Variants in GRB10 observed in about 807,000 individuals in gnomAD.
GRB10 encodes the protein growth factor receptor-bound protein 10.
In GRB10, 20 loss-of-function variants were observed where a neutral mutation model predicts 80.9. The observed-to-expected ratio is 0.25, with a 90% CI of 0.17 to 0.36. The LOEUF is 0.36. Ranked by LOEUF, GRB10 falls within the 10% of genes least tolerant of loss-of-function variation. GRB10 has a pLI of 1.00. For synonymous variants in GRB10, 291 were observed against 291.5 expected (o/e 1.00, Z 0.02); for missense variants, 548 against 747.7 (o/e 0.73, Z 3.12).
At chr7:50,670,203 G>A (rs2060216111) in intron 6 of GRB10, among the ~76,000 whole-genome samples, 1 of 152,160 alleles carries the variant, frequency 6.6e-6, no homozygotes. Flanking sequence ...GACACTGTGT[G>A]ATTTCACCCA....
At chr7:50,785,710 C>A (rs548591738), upstream of GRB10, among the ~76,000 whole-genome samples, 3 of 152,390 alleles carry the variant, frequency 2.0e-5, no homozygotes, top group African/African-American at 7.2e-5. Context: ...GGCTGGCACA[C>A]CCTCCTACAA....
intron 3 of GRB10, among the ~76,000 whole-genome samples, chr7:50,750,464 T>G (rs1191615638): frequency 6.6e-6 from 1 of 152,176 alleles, no homozygotes; most frequent in African/African-American, 2.4e-5. Context: ...ATCCAACGGT[T>G]GCCATTCACC....
intron 7 of GRB10, among the ~76,000 whole-genome samples, chr7:50,636,124 C>T (rs989631895): frequency 5.4e-4 from 82 of 151,970 alleles, no homozygotes; most frequent in Middle Eastern, 6.8e-3. Context: ...ACTACAGGCA[C>T]GTGCCACCAC....
chr7:50,774,264 T>C (rs771984064), intron 2 of GRB10, among the ~76,000 whole-genome samples: 3 of 152,248 alleles, frequency 2.0e-5, no homozygotes, highest in Non-Finnish European at 2.9e-5. Flanking sequence ...CTTTTTGTTC[T>C]AAAATTGACT....
At chr7:50,663,759 C>G (rs527776275) in intron 7 of GRB10, among the ~76,000 whole-genome samples, 9 of 152,352 alleles carry the variant, frequency 5.9e-5, no homozygotes, top group African/African-American at 1.9e-4. Flanking sequence ...TTCGGGCCAT[C>G]ATCCCAGCTT....
At chr7:50,701,390 G>T (rs372465164) in intron 5 of GRB10, among the ~76,000 whole-genome samples, 1 of 152,026 alleles carries the variant, frequency 6.6e-6, no homozygotes, top group Non-Finnish European at 1.5e-5. Context: ...TGGGGAGTTC[G>T]AGACAAGCCT....
At chr7:50,767,079 G>A (rs1486452550) in intron 2 of GRB10, among the ~76,000 whole-genome samples, 1 of 152,204 alleles carries the variant, frequency 6.6e-6, no homozygotes, top group African/African-American at 2.4e-5. Context: ...ATCTAGCAAT[G>A]TAATCGAACT....
At chr7:50,746,897 G>A (rs1188795095) in intron 3 of GRB10, among the ~76,000 whole-genome samples, 1 of 152,018 alleles carries the variant, frequency 6.6e-6, no homozygotes, top group Admixed American at 6.5e-5. Flanking sequence ...CCCTCCCTTG[G>A]GTCCATGAAC....
At chr7:50,714,690 A>T (rs1456097954) in intron 4 of GRB10, among the ~76,000 whole-genome samples, 2 of 151,784 alleles carry the variant, frequency 1.3e-5, no homozygotes, top group Non-Finnish European at 2.9e-5. Context: ...ACGGAGTGCA[A>T]TCCTGAGCCC....
At chr7:50,718,966 G>A (rs2108349) in intron 4 of GRB10, among the ~76,000 whole-genome samples, 84,494 of 151,874 alleles carry the variant, frequency 0.56, 26,154 homozygotes, top group Middle Eastern at 0.81. Flanking sequence ...GAAAAATATA[G>A]TCAATCTTCA....
rs1277221906 is a variant in GRB10, at chr7:50,674,547, T to C, written c.251A>G (p.Gln84Arg). The change falls in exon 6 of 19, where the codon CAG becomes CGG. Residue 84 changes from glutamine (Q) to arginine (R), a missense_variant. By Grantham distance (43) the Gln-to-Arg change is conservative (BLOSUM62 1). Coordinates refer to ENST00000401949, the MANE Select transcript of GRB10 (RefSeq NM_001350814.2). ...SDTVPLLQNG[Q>R]HARSQPRASG... ...AGCCCGAGGCTGGCTGCGGGCATGCTGGCCATTCTGCAGGAGGGGCACCGT... is the reference window on the plus strand; with the variant it reads ...AGCCCGAGGCTGGCTGCGGGCATGCCGGCCATTCTGCAGGAGGGGCACCGT... 5 of 1,611,964 alleles carry C rather than the reference T, an allele frequency of 3.1e-6. No homozygotes were observed. In the African/African-American group the frequency reaches 5.3e-5, roughly 17 times the overall value.
At chr7:50,752,673 G>C (rs532677148) in intron 3 of GRB10, among the ~76,000 whole-genome samples, 1 of 152,124 alleles carries the variant, frequency 6.6e-6, no homozygotes, top group Admixed American at 6.5e-5. Flanking sequence ...GTGAGTAAGA[G>C]CCCAGCAAGA....
chr7:50,712,191 C>T (rs1349377466), intron 4 of GRB10, among the ~76,000 whole-genome samples: 1 of 152,184 alleles, frequency 6.6e-6, no homozygotes, highest in African/African-American at 2.4e-5. Flanking sequence ...ACTAGTCCCT[C>T]AAATGGAAAT....
At chr7:50,711,027 A>C (rs907109152) in intron 4 of GRB10, 1 of 821,572 alleles carries the variant, frequency 1.2e-6, no homozygotes, top group Non-Finnish European at 2.1e-6. Flanking sequence ...TAATAACTCC[A>C]CTAAGGTAAA....
At chr7:50,646,844 A>G (rs2057271438) in intron 7 of GRB10, among the ~76,000 whole-genome samples, 1 of 152,176 alleles carries the variant, frequency 6.6e-6, no homozygotes, top group African/African-American at 2.4e-5. Flanking sequence ...CCAATCCTCC[A>G]TCTCATCTAC....
intron 3 of GRB10, among the ~76,000 whole-genome samples, chr7:50,747,853 T>C (rs1431850336): frequency 1.3e-5 from 2 of 151,476 alleles, no homozygotes; most frequent in East Asian, 3.9e-4. Flanking sequence ...TCTCCAGACA[T>C]CGAGATAGGA....
At chr7:50,654,060 C>G (rs185080322) in intron 7 of GRB10, among the ~76,000 whole-genome samples, 1 of 152,196 alleles carries the variant, frequency 6.6e-6, no homozygotes, top group African/African-American at 2.4e-5. Context: ...CCCCCGCCCT[C>G]GGATGACGTT....
intron 5 of GRB10, among the ~76,000 whole-genome samples, chr7:50,677,622 T>C (rs957390640): frequency 1.3e-5 from 2 of 152,168 alleles, no homozygotes; most frequent in African/African-American, 4.8e-5. Context: ...CACCCACTCA[T>C]CTCCTACACT....
chr7:50,747,497 C>T (rs528757671), intron 3 of GRB10: 3 of 152,200 alleles, frequency 2.0e-5, no homozygotes, highest in Admixed American at 6.5e-5. Context: ...ATGGTTTTAC[C>T]CTCTCTCCAA....
Sources: allele counts gnomAD v4.1 joint callset (sites outside exome capture counted in the v4.1 genomes callset), GRCh38; gene constraint gnomAD v4.1.1; transcripts MANE v1.5; gene names NCBI Gene and HGNC (gene_info 2026-07-23, HGNC 2026-07-21).